The following DST variants were observed in gnomAD, a reference collection of about 807,000 sequenced individuals.
The protein encoded by DST is dystonin.
Under a neutral mutation model 875.2 loss-of-function variants are expected in DST, and 253 were observed. That is an observed-to-expected ratio of 0.29 (90% CI 0.26 to 0.32). The LOEUF (loss-of-function observed/expected upper bound fraction) is 0.32. Among genes scored for constraint, DST ranks in the 10% least tolerant of loss-of-function variants. The pLI is 1.00. For synonymous variants in DST, 3,124 were observed against 3,197.1 expected, an observed-to-expected ratio of 0.98 and a Z score of 0.77; for missense variants, 8,287 against 9,111.6, an observed-to-expected ratio of 0.91 and a Z score of 3.68.
At chr6:56,615,834 T>A in intron 36 of DST, 1 of 1,614,162 alleles carries the variant, frequency 6.2e-7, no homozygotes, top group Non-Finnish European at 8.5e-7. Context: ...TTTATAATAT[T>A]TGCATTCACA....
chr6:56,534,651 T>C (rs1179632328), intron 63 of DST, among the ~76,000 whole-genome samples: 7 of 152,158 alleles, frequency 4.6e-5, no homozygotes. Flanking sequence ...CAATGTTATT[T>C]CCATACAAAT....
chr6:56,717,040 G>T (rs549971392), intron 5 of DST, among the ~76,000 whole-genome samples: 1 of 152,192 alleles, frequency 6.6e-6, no homozygotes, highest in African/African-American at 2.4e-5. Flanking sequence ...AAAATTAGCT[G>T]GGCGTGGTAG....
chr6:56,464,478 G>A, intron 100 of DST: 1 of 574,984 alleles, frequency 1.7e-6, no homozygotes, highest in South Asian at 2.3e-5. Context: ...GCATGTGTTT[G>A]ATCACTTATA....
chr6:56,851,714 G>A, intron 3 of DST, 110 bp from the exon 4 acceptor site: 1 of 1,552,552 alleles, frequency 6.4e-7, no homozygotes, highest in Non-Finnish European at 8.7e-7. Context: ...CCCAAACTGG[G>A]TCTGGCATAT....
chr6:56,900,007 T>C (rs750501156), intron 3 of DST, among the ~76,000 whole-genome samples: 12 of 151,832 alleles, frequency 7.9e-5, no homozygotes, highest in Non-Finnish European at 1.3e-4. Flanking sequence ...GTTCAGCCAC[T>C]GCTACTGCCC....
chr6:56,826,424 T>C (rs538647439), intron 4 of DST, among the ~76,000 whole-genome samples: 1 of 152,260 alleles, frequency 6.6e-6, no homozygotes, highest in East Asian at 1.9e-4. Flanking sequence ...TTTGTGGTGG[T>C]ATTTATATTT....
At chr6:56,832,659 G>C (rs752890870) in intron 4 of DST, among the ~76,000 whole-genome samples, 1 of 150,846 alleles carries the variant, frequency 6.6e-6, no homozygotes, top group Non-Finnish European at 1.5e-5. Context: ...ATTGCTTCAA[G>C]AGGTATAAAA....
chr6:56,661,757 T>G (rs1307621036), intron 10 of DST, among the ~76,000 whole-genome samples: 1 of 152,102 alleles, frequency 6.6e-6, no homozygotes, highest in Admixed American at 6.5e-5. Context: ...TGGCTAACTT[T>G]TTGTATTTTT....
At chr6:56,554,204 C>T (rs1360283643) in intron 60 of DST, among the ~76,000 whole-genome samples, 4 of 150,986 alleles carry the variant, frequency 2.6e-5, no homozygotes, top group Non-Finnish European at 5.9e-5. Context: ...CCTGCCTCAG[C>T]CTCCTGAGTA....
intron 4 of DST, among the ~76,000 whole-genome samples, chr6:56,754,098 G>A (rs58096205): frequency 0.039 from 5,883 of 152,064 alleles, 368 homozygotes; most frequent in African/African-American, 0.13. Flanking sequence ...AATGACTTTC[G>A]GTTTCTTTTA....
intron 4 of DST, chr6:56,843,435 G>T: frequency 9.6e-7 from 1 of 1,043,066 alleles, no homozygotes; most frequent in Non-Finnish European, 1.2e-6. Context: ...AGCGAGCCCA[G>T]GGGCGGCGAC....
intron 5 of DST, among the ~76,000 whole-genome samples, chr6:56,730,126 T>G (rs1258919245): frequency 6.6e-6 from 1 of 152,222 alleles, no homozygotes; most frequent in Non-Finnish European, 1.5e-5. Context: ...TATTGAAGAA[T>G]ATATTTCCAC....
chr6:56,752,838 C>A (rs1208399650), intron 4 of DST, among the ~76,000 whole-genome samples: 2 of 152,030 alleles, frequency 1.3e-5, no homozygotes, highest in African/African-American at 4.8e-5. Context: ...GTTGCCCAGG[C>A]TGAAGGGCAA....
At chr6:56,580,767 C>T (rs2097966135) in intron 49 of DST, among the ~76,000 whole-genome samples, 1 of 139,150 alleles carries the variant, frequency 7.2e-6, no homozygotes, top group Non-Finnish European at 1.5e-5. Context: ...GCGTCTCACT[C>T]TGTTGCCCAG....
At chr6:56,513,755 A>G (rs2152482661) in intron 72 of DST, among the ~76,000 whole-genome samples, 1 of 152,312 alleles carries the variant, frequency 6.6e-6, no homozygotes, top group Middle Eastern at 3.4e-3. Flanking sequence ...GTGTATCAGA[A>G]AAGGGCCCAA....
intron 49 of DST, among the ~76,000 whole-genome samples, chr6:56,585,630 C>T (rs2098131258): frequency 6.6e-6 from 1 of 152,064 alleles, no homozygotes; most frequent in African/African-American, 2.4e-5. Context: ...TTCTTGCCTT[C>T]TGCTAGCTTT....
intron 15 of DST, among the ~76,000 whole-genome samples, chr6:56,645,294 A>G (rs750213997): frequency 1.3e-5 from 2 of 152,170 alleles, no homozygotes; most frequent in Non-Finnish European, 2.9e-5. Context: ...TGAAGACTAA[A>G]TGGTACCTTC....
At chr6:56,465,923 G>T (rs995538397) in intron 99 of DST, among the ~76,000 whole-genome samples, 155 bp downstream of exon 99, 11 of 151,184 alleles carry the variant, frequency 7.3e-5, no homozygotes, top group African/African-American at 2.4e-4. Flanking sequence ...TTACATGACT[G>T]CCACAGGTTC....
intron 4 of DST, among the ~76,000 whole-genome samples, chr6:56,758,870 G>A (rs1205451259): frequency 6.6e-6 from 1 of 152,180 alleles, no homozygotes; most frequent in Admixed American, 6.5e-5. Context: ...AAGTCATGTG[G>A]TATTCTACTG....
Sources: allele counts gnomAD v4.1 joint callset (sites outside exome capture counted in the v4.1 genomes callset), GRCh38; gene constraint gnomAD v4.1.1; transcripts MANE v1.5; gene names NCBI Gene and HGNC (gene_info 2026-07-23, HGNC 2026-07-21).